Variants in SLC26A8 observed in about 807,000 individuals in gnomAD.
SLC26A8 encodes the protein testis anion transporter 1.
In SLC26A8, 70 loss-of-function variants were observed where a neutral mutation model predicts 105.0. The ratio of observed to expected loss-of-function variants is 0.67; its 90% CI spans 0.55 to 0.81. The LOEUF is 0.81. Among genes scored for constraint, SLC26A8 ranks in the 40% least tolerant of loss-of-function variants. The probability of loss-of-function intolerance (pLI) is 0.00; values close to 1 mark genes in which losing one functional copy is unlikely to be tolerated. For missense variants in SLC26A8, 998 were observed against 1,181.8 expected (o/e 0.84, Z 2.28); for synonymous variants, 415 against 438.3 (o/e 0.95, Z 0.66).
chr6:35,953,579 A>T (rs888605514), intron 17 of SLC26A8, among the ~76,000 whole-genome samples: 2 of 152,220 alleles, frequency 1.3e-5, no homozygotes, highest in African/African-American at 4.8e-5. Flanking sequence ...ACAGCCCAGG[A>T]CCAGGAGGGG....
In SLC26A8 at chr6:35,985,692, C is replaced by CAAAAAA. The variant is rs58199602; in HGVS notation, c.943-3495_943-3490dup. Reference sequence around the variant, plus strand: ...TAGGAGACAGAGCAAGACTCCGTCTCAAAAAAAAAAAAAAAAAAAAAAAAA... The same window carrying CAAAAAA: ...TAGGAGACAGAGCAAGACTCCGTCTCAAAAAAAAAAAAAAAAAAAAAAAAAAAAAAA... On this transcript the variant is annotated intron_variant, in intron 7 of 19. Coordinates refer to ENST00000490799, the MANE Select transcript of SLC26A8 (RefSeq NM_052961.4). 1.5e-4 allele frequency among the ~76,000 whole-genome samples: 7 copies of CAAAAAA among 46,946 alleles called. No individual in the cohort carries two copies. In the East Asian group the frequency reaches 4.6e-3, roughly 31 times the overall value. The allele number at this position is 46,946 out of a possible 152,430, so 30.8% of individuals were successfully genotyped here. A position where few individuals can be genotyped will look rare whatever the true frequency, so the allele number is the denominator to read the frequency against.
intron 5 of SLC26A8, among the ~76,000 whole-genome samples, chr6:35,995,183 C>A (rs1761317192): frequency 6.6e-6 from 1 of 152,106 alleles, no homozygotes; most frequent in South Asian, 2.1e-4. Flanking sequence ...TTCTTCATAC[C>A]ATCCCTGCCT....
At chr6:35,998,243 T>A (rs138431741) in intron 4 of SLC26A8, among the ~76,000 whole-genome samples, 42 of 152,044 alleles carry the variant, frequency 2.8e-4, no homozygotes, top group Non-Finnish European at 5.2e-4. Context: ...AAAAGTGAGA[T>A]GGCAGTGAAA....
At chr6:35,974,981 C>T (rs1240712849) in intron 10 of SLC26A8, among the ~76,000 whole-genome samples, 1 of 151,238 alleles carries the variant, frequency 6.6e-6, no homozygotes, top group Non-Finnish European at 1.5e-5. Context: ...TGGTCTCAAA[C>T]TCCTGACCTC....
chr6:36,012,507 AC>A, intron 2 of SLC26A8, 135 bp from the exon 3 acceptor site: 1 of 973,210 alleles, frequency 1.0e-6, no homozygotes, highest in Non-Finnish European at 1.5e-6. Context: ...GACATATTGG[AC>A]CAGATAATTC....
intron 5 of SLC26A8, among the ~76,000 whole-genome samples, chr6:35,993,187 G>T (rs1252302506): frequency 8.0e-5 from 4 of 50,070 alleles, no homozygotes; most frequent in African/African-American, 1.4e-4. Flanking sequence ...GATAGAGATT[G>T]GAGGGGGGGG....
chr6:36,000,552 C>A (rs1221374392), intron 3 of SLC26A8, among the ~76,000 whole-genome samples: 1 of 152,156 alleles, frequency 6.6e-6, no homozygotes, highest in South Asian at 2.1e-4. Flanking sequence ...TGTGTTGGTT[C>A]TCTTCCATAG....
At chr6:35,948,284 A>G (rs1217768866) in intron 19 of SLC26A8, among the ~76,000 whole-genome samples, 1 of 152,136 alleles carries the variant, frequency 6.6e-6, no homozygotes, top group Admixed American at 6.6e-5. Flanking sequence ...ATTATACAGC[A>G]ATACTAATAA....
chr6:35,944,085 T>C lies in SLC26A8; in HGVS notation c.2728A>G (p.Met910Val). Residue 910 changes from methionine (M) to valine (V), a missense_variant, in exon 20 of 20, where the codon ATG becomes GTG. Transcript: ENST00000490799. Reference sequence around the variant, plus strand: ...GGCCTAGATTTGGGGTTGGGCTCCATCTCAGGCTCAGTCTCAGGCTGGGGC... The same window carrying C: ...GGCCTAGATTTGGGGTTGGGCTCCACCTCAGGCTCAGTCTCAGGCTGGGGC... Reference protein sequence around the residue: ...MEPQPETEPEMEPNPKSRPRA... With the variant: ...MEPQPETEPEVEPNPKSRPRA... 2 of 1,614,026 alleles carry C rather than the reference T, an allele frequency of 1.2e-6. No individual in the cohort carries two copies. The highest frequency in any genetic ancestry group is 8.5e-7 in the Non-Finnish European group (1 of 1,179,972).
At chr6:35,963,997 C>T (rs975640377) in intron 11 of SLC26A8, among the ~76,000 whole-genome samples, 1 of 151,998 alleles carries the variant, frequency 6.6e-6, no homozygotes, top group Non-Finnish European at 1.5e-5. Context: ...ATCACTTGAG[C>T]CCAGGAGTTC....
chr6:35,968,948 A>C lies in SLC26A8; in HGVS notation c.1294T>G (p.Ser432Ala), dbSNP rs754076326. The C allele has an allele frequency of 1.2e-6, 2 of 1,611,980 alleles. No individual in the cohort carries two copies. The highest frequency in any genetic ancestry group is 1.7e-6 in the Non-Finnish European group (2 of 1,179,192). Residue 432 changes from serine (S) to alanine (A), a missense_variant, in exon 11 of 20, where the codon TCT becomes GCT. Physicochemically the swap from Ser to Ala is moderately conservative, Grantham distance 99. Coordinates refer to ENST00000490799, the MANE Select transcript of SLC26A8 (RefSeq NM_052961.4). ...AGCATCACACCTGCGCCTACCAGAG[A>C]TGCAAACTGAGGAGACAGAGCCAGT... Reference protein sequence around the residue: ...DKSGGRQQFASLVGAGVMLLL... With the variant: ...DKSGGRQQFAALVGAGVMLLL...
At chr6:35,995,897 G>A (rs766633438) in intron 5 of SLC26A8, among the ~76,000 whole-genome samples, 29 of 152,096 alleles carry the variant, frequency 1.9e-4, no homozygotes, top group Non-Finnish European at 3.7e-4. Context: ...AAGGTTGCTT[G>A]TGTATTTTGT....
At chr6:36,018,104 GA>G (rs751703848) in intron 2 of SLC26A8, among the ~76,000 whole-genome samples, 1 of 152,196 alleles carries the variant, frequency 6.6e-6, no homozygotes, top group Non-Finnish European at 1.5e-5. Context: ...AGCTACTGTG[GA>G]AAACAGTTTG....
chr6:36,020,276 A>G (rs1335808599), intron 1 of SLC26A8, among the ~76,000 whole-genome samples: 1 of 152,218 alleles, frequency 6.6e-6, no homozygotes, highest in Non-Finnish European at 1.5e-5. Flanking sequence ...GACTGTGACT[A>G]TTCACAGTTG....
intron 11 of SLC26A8, among the ~76,000 whole-genome samples, chr6:35,968,640 T>TGTG (rs1772646603): frequency 9.5e-6 from 1 of 104,770 alleles, no homozygotes; most frequent in Non-Finnish European, 1.8e-5. Context: ...TATATATATA[T>TGTG]ATATATATAT....
At chr6:35,968,842 G>T in intron 11 of SLC26A8, 35 bp downstream of exon 11, 1 of 1,490,410 alleles carries the variant, frequency 6.7e-7, no homozygotes, top group Non-Finnish European at 9.0e-7. Flanking sequence ...AGCCCTGGTC[G>T]TTGTTGACTT....
chr6:35,992,737 C>A (rs1319584943), intron 5 of SLC26A8, 63 bp from the exon 6 acceptor site: 25 of 1,488,022 alleles, frequency 1.7e-5, no homozygotes, highest in Non-Finnish European at 2.1e-5. Flanking sequence ...GCACCAATGG[C>A]ACTCTCCAGG....
intron 3 of SLC26A8, among the ~76,000 whole-genome samples, chr6:36,004,970 T>A (rs1761645440): frequency 6.6e-6 from 1 of 151,920 alleles, no homozygotes; most frequent in Non-Finnish European, 1.5e-5. Flanking sequence ...CTGGCCCCCA[T>A]TTACTCTTGA....
intron 1 of SLC26A8, among the ~76,000 whole-genome samples, chr6:36,024,131 T>A (rs879570561): frequency 6.6e-6 from 1 of 151,972 alleles, no homozygotes; most frequent in Non-Finnish European, 1.5e-5. Context: ...CAGTGGGGTC[T>A]GAAAGGAAGA....
Sources: gnomAD v4.1 joint callset for allele counts (sites outside exome capture counted in the v4.1 genomes callset) on GRCh38, gnomAD v4.1.1 for gene constraint, MANE v1.5 for transcripts, NCBI Gene and HGNC (gene_info 2026-07-23, HGNC 2026-07-21) for gene names.